TMC1: variants seen among roughly 807,000 people sequenced by gnomAD.
TMC1 encodes the protein transmembrane channel like 1, also known as transmembrane channel-like protein 1.
Under a neutral mutation model 105.8 loss-of-function variants are expected in TMC1, and 84 were observed. The ratio of observed to expected loss-of-function variants is 0.79; its 90% CI spans 0.67 to 0.95. TMC1 has a LOEUF of 0.95. TMC1 is among the 40% of genes least tolerant of loss of function. The pLI is 0.00. For synonymous variants in TMC1, 315 were observed against 311.5 expected, an observed-to-expected ratio of 1.01 and a Z score of -0.12; for missense variants, 817 against 914.1, an observed-to-expected ratio of 0.89 and a Z score of 1.37.
chr9:72,781,283 A>G (rs1301182761), intron 13 of TMC1, among the ~76,000 whole-genome samples: 4 of 152,218 alleles, frequency 2.6e-5, no homozygotes, highest in Non-Finnish European at 5.9e-5. Flanking sequence ...GAACAAAGAC[A>G]TGACATACCA....
At chr9:72,537,115 A>T (rs771340278) in intron 1 of TMC1, among the ~76,000 whole-genome samples, 3 of 152,190 alleles carry the variant, frequency 2.0e-5, no homozygotes, top group Non-Finnish European at 4.4e-5. Flanking sequence ...CATTGGAGCC[A>T]TGGATGGAGC....
chr9:72,566,603 G>A (rs1456418790), intron 1 of TMC1, among the ~76,000 whole-genome samples: 1 of 152,180 alleles, frequency 6.6e-6, no homozygotes, highest in African/African-American at 2.4e-5. Context: ...CGTTGTGAAA[G>A]GTGAAACAGG....
intron 5 of TMC1, among the ~76,000 whole-genome samples, chr9:72,684,456 T>C (rs891432353): frequency 6.6e-6 from 1 of 152,194 alleles, no homozygotes; most frequent in Non-Finnish European, 1.5e-5. Context: ...TAAGAGCTGA[T>C]TGTTCATTTT....
intron 5 of TMC1, among the ~76,000 whole-genome samples, chr9:72,673,870 T>G (rs1826162992): frequency 6.6e-6 from 1 of 152,284 alleles, no homozygotes; most frequent in Non-Finnish European, 1.5e-5. Context: ...TAATTCTGCG[T>G]AAACTTTTCT....
intron 13 of TMC1, among the ~76,000 whole-genome samples, chr9:72,780,717 A>T (rs1828082791): frequency 6.6e-6 from 1 of 152,224 alleles, no homozygotes; most frequent in Non-Finnish European, 1.5e-5. Context: ...TCAAAAAGGG[A>T]CAAAGAAGAG....
At chr9:72,653,326 A>T (rs146044752) in intron 5 of TMC1, among the ~76,000 whole-genome samples, 1 of 152,246 alleles carries the variant, frequency 6.6e-6, no homozygotes, top group East Asian at 1.9e-4. Flanking sequence ...ACATTGACAC[A>T]TTTGTTCCTA....
In TMC1 at chr9:72,576,103, T is replaced by C. The variant is rs533946759; in HGVS notation, c.-427-1799T>C. On this transcript the variant is annotated intron_variant, in intron 1 of 23. Coordinates refer to ENST00000297784, the MANE Select transcript of TMC1 (RefSeq NM_138691.3). ...GGCACCATTTGAGGAGATGGCATAC[T>C]CGTGGTGGAATCTTCATTAAGATGT... Among the ~76,000 whole-genome samples the C allele has an allele frequency of 9.2e-5, 14 of 152,316 alleles. No individual in the cohort carries two copies. In the South Asian group the frequency reaches 2.9e-3, roughly 32 times the overall value.
At chr9:72,705,456 A>G (rs555015586) in intron 8 of TMC1, among the ~76,000 whole-genome samples, 18 of 152,206 alleles carry the variant, frequency 1.2e-4, no homozygotes, top group Non-Finnish European at 2.5e-4. Context: ...GCTATCCTCC[A>G]AAGTCAAGCA....
At chr9:72,735,511 AC>A (rs2117998595) in intron 8 of TMC1, among the ~76,000 whole-genome samples, 1 of 152,206 alleles carries the variant, frequency 6.6e-6, no homozygotes, top group East Asian at 1.9e-4. Context: ...TGGACACTTC[AC>A]TGTTCTGTAT....
chr9:72,662,170 A>T (rs1797000), intron 5 of TMC1, among the ~76,000 whole-genome samples: 36,313 of 150,304 alleles, frequency 0.24, 4,689 homozygotes, highest in East Asian at 0.38. Flanking sequence ...ATCTCCTTTG[A>T]CACATTTTCT....
intron 17 of TMC1, among the ~76,000 whole-genome samples, chr9:72,799,412 G>A (rs142411182): frequency 3.6e-4 from 55 of 152,030 alleles, no homozygotes; most frequent in Middle Eastern, 3.4e-3. Flanking sequence ...TATATCTTAG[G>A]CTTCAATCAG....
At chr9:72,786,447 AAAAAC>A (rs1828169451) in intron 13 of TMC1, among the ~76,000 whole-genome samples, 1 of 150,282 alleles carries the variant, frequency 6.7e-6, no homozygotes, top group Admixed American at 6.9e-5. Flanking sequence ...CTCCTCAAAC[AAAAAC>A]AAAACAAAAA....
intron 8 of TMC1, among the ~76,000 whole-genome samples, chr9:72,722,384 C>T (rs867754133): frequency 7.2e-5 from 11 of 152,130 alleles, no homozygotes; most frequent in South Asian, 2.1e-4. Context: ...TTCTGGTATC[C>T]GCTCCATTTT....
At chr9:72,828,605 T>A (rs1286458095) in intron 21 of TMC1, among the ~76,000 whole-genome samples, 1 of 152,242 alleles carries the variant, frequency 6.6e-6, no homozygotes, top group East Asian at 1.9e-4. Flanking sequence ...TCAGGTACTA[T>A]TTACACACTG....
At chr9:72,740,889 C>G (rs1052669982) in intron 9 of TMC1, among the ~76,000 whole-genome samples, 6 of 152,034 alleles carry the variant, frequency 3.9e-5, no homozygotes, top group African/African-American at 1.4e-4. Flanking sequence ...TTAATTTTGT[C>G]TGTTTCTACA....
chr9:72,588,910 G>C (rs573421486), intron 2 of TMC1, among the ~76,000 whole-genome samples: 68 of 152,048 alleles, frequency 4.5e-4, no homozygotes, highest in Non-Finnish European at 7.6e-4. Context: ...CGAGTAGCTG[G>C]GATTACAGGC....
intron 13 of TMC1, among the ~76,000 whole-genome samples, chr9:72,774,376 T>C (rs1043401348): frequency 1.3e-5 from 2 of 152,142 alleles, no homozygotes; most frequent in African/African-American, 4.8e-5. Flanking sequence ...TAACGAACAA[T>C]CAATATAAAA....
intron 13 of TMC1, among the ~76,000 whole-genome samples, chr9:72,779,929 A>G (rs1588079677): frequency 1.3e-5 from 2 of 152,188 alleles, no homozygotes; most frequent in Non-Finnish European, 2.9e-5. Flanking sequence ...GCAAGATCCT[A>G]TAAAAGATGA....
At chr9:72,825,830 T>C (rs1450722541) in intron 20 of TMC1, among the ~76,000 whole-genome samples, 1 of 152,084 alleles carries the variant, frequency 6.6e-6, no homozygotes, top group Non-Finnish European at 1.5e-5. Flanking sequence ...TCTTGAAAAT[T>C]AGAGTGTAGA....
Sources: allele counts gnomAD v4.1 joint callset (sites outside exome capture counted in the v4.1 genomes callset), GRCh38; gene constraint gnomAD v4.1.1; transcripts MANE v1.5; gene names NCBI Gene and HGNC (gene_info 2026-07-23, HGNC 2026-07-21).